The following LRP1B variants were observed in gnomAD, a reference collection of about 807,000 sequenced individuals.
LRP1B encodes the protein LDL receptor related protein 1B.
LRP1B carries 217 observed loss-of-function variants against 556.6 expected under a neutral mutation model. The ratio of observed to expected loss-of-function variants is 0.39; its 90% CI spans 0.35 to 0.44. The LOEUF is 0.44. Among genes scored for constraint, LRP1B ranks in the 20% least tolerant of loss-of-function variants. LRP1B has a pLI of 1.00. For synonymous variants in LRP1B, 2,047 were observed against 1,865.8 expected, an observed-to-expected ratio of 1.10 and a Z score of -2.50; for missense variants, 5,053 against 5,620.8, an observed-to-expected ratio of 0.90 and a Z score of 3.23.
At chr2:140,793,246 A>T (rs901960941) in intron 32 of LRP1B, among the ~76,000 whole-genome samples, 8 of 152,120 alleles carry the variant, frequency 5.3e-5, no homozygotes, top group African/African-American at 4.8e-5. Context: ...CTACATTAGC[A>T]TTAATGTTAT....
chr2:140,409,415 A>C (rs994203285), intron 66 of LRP1B, among the ~76,000 whole-genome samples: 3 of 151,994 alleles, frequency 2.0e-5, no homozygotes, highest in Admixed American at 2.0e-4. Flanking sequence ...AATTTTTTTG[A>C]CTAGATTTAT....
At chr2:142,102,627 A>G (rs1161376509) in intron 1 of LRP1B, among the ~76,000 whole-genome samples, 2 of 151,940 alleles carry the variant, frequency 1.3e-5, no homozygotes, top group Non-Finnish European at 2.9e-5. Flanking sequence ...GCTACTGAAA[A>G]TAAAAGTTAG....
intron 78 of LRP1B, 100 bp downstream of exon 78, chr2:140,335,515 T>C: frequency 1.4e-6 from 1 of 739,374 alleles, no homozygotes; most frequent in Non-Finnish European, 2.4e-6. Flanking sequence ...GTGACACTAT[T>C]ACACATTGAA....
At chr2:141,362,001 C>T (rs1688842619) in intron 3 of LRP1B, among the ~76,000 whole-genome samples, 1 of 152,044 alleles carries the variant, frequency 6.6e-6, no homozygotes, top group Non-Finnish European at 1.5e-5. Context: ...AACCATTCTG[C>T]CAAACAGGAA....
intron 41 of LRP1B, among the ~76,000 whole-genome samples, chr2:140,645,549 T>G (rs1684450360): frequency 7.1e-6 from 1 of 140,088 alleles, no homozygotes; most frequent in South Asian, 2.4e-4. Flanking sequence ...TTTTTTTTTT[T>G]TTTTTTTTGA....
At chr2:140,370,306 C>T (rs1427160462) in intron 71 of LRP1B, among the ~76,000 whole-genome samples, 2 of 151,892 alleles carry the variant, frequency 1.3e-5, no homozygotes, top group Non-Finnish European at 2.9e-5. Flanking sequence ...ATTGAGTATG[C>T]CATATGTTGT....
chr2:140,836,824 A>G (rs942118130), intron 31 of LRP1B, among the ~76,000 whole-genome samples: 3 of 152,232 alleles, frequency 2.0e-5, no homozygotes, highest in Non-Finnish European at 2.9e-5. Context: ...GAGACTATCA[A>G]TCTTGGCACC....
chr2:141,529,457 T>C (rs1310868414), intron 2 of LRP1B, among the ~76,000 whole-genome samples: 1 of 152,170 alleles, frequency 6.6e-6, no homozygotes, highest in African/African-American at 2.4e-5. Flanking sequence ...TTTTGGGATA[T>C]TGAAACTAAC....
At chr2:141,234,146 A>G (rs1465451231) in intron 5 of LRP1B, among the ~76,000 whole-genome samples, 2 of 151,966 alleles carry the variant, frequency 1.3e-5, no homozygotes, top group Admixed American at 6.6e-5. Flanking sequence ...GTTTTAAGCC[A>G]GTAATGAACT....
chr2:141,344,895 C>T (rs1688190749), intron 3 of LRP1B, among the ~76,000 whole-genome samples: 1 of 152,138 alleles, frequency 6.6e-6, no homozygotes, highest in South Asian at 2.1e-4. Flanking sequence ...ACATCTTAGT[C>T]CCTGGGACCT....
intron 10 of LRP1B, among the ~76,000 whole-genome samples, chr2:141,052,690 C>G (rs1173823260): frequency 6.6e-6 from 1 of 151,926 alleles, no homozygotes; most frequent in Non-Finnish European, 1.5e-5. Flanking sequence ...TTACAGCACC[C>G]ATTTTGCTAA....
chr2:141,598,103 T>G (rs1016117376), intron 2 of LRP1B, among the ~76,000 whole-genome samples: 1 of 151,794 alleles, frequency 6.6e-6, no homozygotes, highest in African/African-American at 2.4e-5. Context: ...ATAATTTTTT[T>G]ATTATATATA....
At chr2:140,605,336 A>G (rs1682827814) in intron 41 of LRP1B, among the ~76,000 whole-genome samples, 1 of 152,100 alleles carries the variant, frequency 6.6e-6, no homozygotes, top group African/African-American at 2.4e-5. Flanking sequence ...TTCCACATCT[A>G]TATTAACTGT....
intron 32 of LRP1B, among the ~76,000 whole-genome samples, chr2:140,809,259 T>A (rs1035353036): frequency 1.3e-5 from 2 of 152,158 alleles, no homozygotes; most frequent in South Asian, 4.1e-4. Flanking sequence ...AAAAAAATTT[T>A]AAAAAAGATT....
chr2:141,901,165 TTTTC>T (rs2104933799), intron 1 of LRP1B, among the ~76,000 whole-genome samples: 1 of 151,932 alleles, frequency 6.6e-6, no homozygotes, highest in South Asian at 2.1e-4. Flanking sequence ...CACTAAGGAG[TTTTC>T]TTTCTCTTTT....
chr2:140,661,151 T>C (rs1295214698), intron 41 of LRP1B, among the ~76,000 whole-genome samples: 1 of 152,162 alleles, frequency 6.6e-6, no homozygotes, highest in Non-Finnish European at 1.5e-5. Context: ...GTAAGTTACC[T>C]ACTCCAGTTT....
intron 7 of LRP1B, among the ~76,000 whole-genome samples, chr2:141,096,688 G>T (rs1410061684): frequency 9.3e-6 from 1 of 107,872 alleles, no homozygotes; most frequent in South Asian, 3.3e-4. Flanking sequence ...GAGAGAGAGA[G>T]AGAAAATAAA....
chr2:141,233,602 G>T (rs943165121), intron 5 of LRP1B, among the ~76,000 whole-genome samples: 1 of 151,988 alleles, frequency 6.6e-6, no homozygotes, highest in Non-Finnish European at 1.5e-5. Context: ...GTCCTTGCAA[G>T]CCTATCTTTA....
At chr2:141,218,889 T>C (rs576336815) in intron 6 of LRP1B, among the ~76,000 whole-genome samples, 67 of 152,196 alleles carry the variant, frequency 4.4e-4, no homozygotes, top group African/African-American at 1.4e-3. Flanking sequence ...AACTGAGGTA[T>C]CCAGGTTCTC....
Sources: gnomAD v4.1 joint callset for allele counts (sites outside exome capture counted in the v4.1 genomes callset) on GRCh38, gnomAD v4.1.1 for gene constraint, MANE v1.5 for transcripts, NCBI Gene and HGNC (gene_info 2026-07-23, HGNC 2026-07-21) for gene names.